SPAG17: variants seen among roughly 807,000 people sequenced by gnomAD.
SPAG17 encodes sperm-associated antigen 17.
A neutral mutation model predicts 273.6 loss-of-function variants in SPAG17; 169 were observed. The ratio of observed to expected loss-of-function variants is 0.62; its 90% CI spans 0.55 to 0.70. SPAG17 has a LOEUF of 0.70. Ranked by LOEUF, SPAG17 falls within the 30% of genes least tolerant of loss-of-function variation. The pLI, the probability that SPAG17 is intolerant of heterozygous loss-of-function variation, is 0.00. For missense variants in SPAG17, 2,557 were observed against 2,627.8 expected (o/e 0.97, Z 0.59); for synonymous variants, 825 against 873.2 (o/e 0.94, Z 0.97).
chr1:118,014,543 G>T (rs192250387), intron 29 of SPAG17, among the ~76,000 whole-genome samples: 2 of 152,238 alleles, frequency 1.3e-5, no homozygotes, highest in East Asian at 3.9e-4. Context: ...TGTACTTTGA[G>T]TCTTACAAAA....
intron 5 of SPAG17, 64 bp from the exon 6 acceptor site, chr1:118,099,864 AG>A: frequency 7.1e-7 from 1 of 1,414,510 alleles, no homozygotes; most frequent in Non-Finnish European, 9.8e-7. Flanking sequence ...GCACTCAGCC[AG>A]TTCAATGGCT....
chr1:117,955,304 T>C (rs374575078), intron 48 of SPAG17: 1 of 1,610,196 alleles, frequency 6.2e-7, no homozygotes, highest in Non-Finnish European at 8.5e-7. Flanking sequence ...GTATTAATCC[T>C]TCCTTTATAG....
rs190694959 is a variant in SPAG17 at position 118,148,362 on chromosome 1, A to C, written c.315+2181T>G. Among the ~76,000 whole-genome samples the C allele has an allele frequency of 3.1e-3, 474 of 152,230 alleles. 9 individuals are homozygous for C. Among genetic ancestry groups the C allele is most frequent in the Admixed American group, 0.026 (397 of 15,286 alleles). ...CAAGAGTTGTCACAAAGAGCGAAAA[A>C]ACAAATCCTCCACACTCGGCAAGGG... On this transcript the variant is annotated intron_variant, in intron 3 of 48. Coordinates refer to ENST00000336338, the MANE Select transcript of SPAG17 (RefSeq NM_206996.4).
At chr1:118,093,114 G>T in intron 8 of SPAG17, 42 bp downstream of exon 8, 1 of 1,564,866 alleles carries the variant, frequency 6.4e-7, no homozygotes, top group Non-Finnish European at 8.7e-7. Flanking sequence ...AAGTTGTTCA[G>T]TGAATCATTC....
intron 10 of SPAG17, among the ~76,000 whole-genome samples, chr1:118,088,720 G>T (rs988203693): frequency 6.6e-6 from 1 of 152,054 alleles, no homozygotes; most frequent in Admixed American, 6.6e-5. Context: ...AAACATTACT[G>T]CCAAAACAAA....
Position 118,086,775 on chromosome 1 carries a change from C to T in SPAG17, c.1507G>A (p.Asp503Asn), listed in dbSNP as rs1012433678. The change falls in exon 12 of 49, where the codon GAC (aspartate) becomes AAC (asparagine). Residue 503 changes from aspartate (D) to asparagine (N), a missense_variant. Physicochemically the swap from Asp to Asn is conservative, Grantham distance 23. Coordinates refer to ENST00000336338, the MANE Select transcript of SPAG17 (RefSeq NM_206996.4). ...TTTTCTTCTTCAGATAAAAATATGT[C>T]ATGAAGATTCTATGCAAATTGAAAC... ...LSEREKKNLH[D>N]IFLSEEENES... 1 of 1,614,082 alleles carries T rather than the reference C, an allele frequency of 6.2e-7. No individual in the cohort carries two copies. Among genetic ancestry groups the T allele is most frequent in the South Asian group, 1.1e-5 (1 of 91,082 alleles).
At chr1:118,035,094 A>G (rs1433134597) in intron 24 of SPAG17, among the ~76,000 whole-genome samples, 5 of 152,184 alleles carry the variant, frequency 3.3e-5, no homozygotes, top group Non-Finnish European at 7.4e-5. Flanking sequence ...GTTCTTAAAT[A>G]TCAGTTATAT....
At chr1:118,145,319 G>T (rs1028004600) in intron 3 of SPAG17, among the ~76,000 whole-genome samples, 1 of 152,176 alleles carries the variant, frequency 6.6e-6, no homozygotes, top group African/African-American at 2.4e-5. Context: ...ATCTGAAAAA[G>T]AGTGGCAAAA....
At chr1:117,957,295 T>C in intron 48 of SPAG17, 1 of 1,409,276 alleles carries the variant, frequency 7.1e-7, no homozygotes, top group Non-Finnish European at 9.4e-7. Flanking sequence ...AGAAATAGTA[T>C]GCCGAACTCG....
chr1:118,177,280 C>G (rs570650297), intron 1 of SPAG17, among the ~76,000 whole-genome samples: 1 of 152,296 alleles, frequency 6.6e-6, no homozygotes, highest in East Asian at 1.9e-4. Flanking sequence ...AAAGGCACAT[C>G]TTACATGGCA....
At chr1:117,955,146 T>C (rs1385564877) in intron 48 of SPAG17, 1 of 517,580 alleles carries the variant, frequency 1.9e-6, no homozygotes, top group Non-Finnish European at 3.4e-6. Context: ...CAGAGTTCAG[T>C]TGTCAACCCA....
chr1:118,043,436 G>T (rs1245736582), intron 20 of SPAG17, among the ~76,000 whole-genome samples: 5 of 152,062 alleles, frequency 3.3e-5, no homozygotes, highest in Admixed American at 3.3e-4. Context: ...ATATAAATTT[G>T]CAATTAAGCA....
chr1:118,156,983 C>G (rs928029114), intron 1 of SPAG17, among the ~76,000 whole-genome samples: 1 of 152,136 alleles, frequency 6.6e-6, no homozygotes, highest in African/African-American at 2.4e-5. Context: ...CTGCTTGATT[C>G]ACCCTAATCT....
Position 118,085,786 on chromosome 1 carries a change from A to G in SPAG17, c.1762+136T>C. ...TATTCAAACAAGAAAGTTGTAGTCA[A>G]TCAAAATACCCACCTTAGCCTCTGA... On this transcript the variant is annotated intron_variant, in intron 13 of 48. Transcript: ENST00000336338. The G allele has an allele frequency of 5.2e-6, 4 of 774,216 alleles. No homozygotes were observed. In the East Asian group the frequency reaches 9.0e-5, roughly 17 times the overall value. The allele number at this position is 774,216 out of a possible 1,614,324, so 48.0% of individuals were successfully genotyped here.
At chr1:118,177,692 A>C (rs1035859563) in intron 1 of SPAG17, among the ~76,000 whole-genome samples, 1 of 152,210 alleles carries the variant, frequency 6.6e-6, no homozygotes, top group Non-Finnish European at 1.5e-5. Flanking sequence ...CTAAGAAAAA[A>C]GAGAGAAGAG....
intron 32 of SPAG17, among the ~76,000 whole-genome samples, chr1:118,002,315 G>C (rs1260356928): frequency 6.6e-6 from 1 of 152,192 alleles, no homozygotes; most frequent in African/African-American, 2.4e-5. Context: ...TTGGGGCGGA[G>C]AGTTCTGTAG....
intron 30 of SPAG17, among the ~76,000 whole-genome samples, chr1:118,008,636 C>T (rs950859368): frequency 2.0e-5 from 3 of 152,002 alleles, no homozygotes; most frequent in Admixed American, 2.0e-4. Flanking sequence ...TTCATTTTTA[C>T]ACTTTTATGT....
chr1:118,061,218 A>G (rs1027080675), intron 18 of SPAG17, among the ~76,000 whole-genome samples: 2 of 152,202 alleles, frequency 1.3e-5, no homozygotes, highest in African/African-American at 4.8e-5. Flanking sequence ...TGCAAAAAAA[A>G]TTGAAATCAG....
At chr1:117,955,047 A>C (rs1184482657) in intron 48 of SPAG17, 2 of 408,734 alleles carry the variant, frequency 4.9e-6, no homozygotes, top group South Asian at 1.4e-4. Context: ...ATTTTATTGC[A>C]TGTCTCATCA....
Sources: allele counts gnomAD v4.1 joint callset (sites outside exome capture counted in the v4.1 genomes callset), GRCh38; gene constraint gnomAD v4.1.1; transcripts MANE v1.5; gene names NCBI Gene and HGNC (gene_info 2026-07-23, HGNC 2026-07-21).